CDH9: variants seen among roughly 807,000 people sequenced by gnomAD.
CDH9 encodes cadherin 9, also known as cadherin-9.
CDH9 carries 28 observed loss-of-function variants against 70.9 expected under a neutral mutation model. That is an observed-to-expected ratio of 0.40 (90% confidence interval 0.29 to 0.54). The LOEUF (loss-of-function observed/expected upper bound fraction) is 0.54. Among genes scored for constraint, CDH9 ranks in the 20% least tolerant of loss-of-function variants. The probability of loss-of-function intolerance (pLI) is 0.59; values close to 1 mark genes in which losing one functional copy is unlikely to be tolerated. For synonymous variants in CDH9, 409 were observed against 343.1 expected, an observed-to-expected ratio of 1.19 and a Z score of -2.12; for missense variants, 874 against 984.4, an observed-to-expected ratio of 0.89 and a Z score of 1.50.
chr5:26,880,852 C>T lies in CDH9; in HGVS notation c.*284G>A, dbSNP rs1740447315. 1 of 234,580 alleles carries T rather than the reference C, an allele frequency of 4.3e-6. No individual in the cohort carries two copies. Among genetic ancestry groups the T allele is most frequent in the Admixed American group, 5.5e-5 (1 of 18,308 alleles). 14.5% of individuals were successfully genotyped at this position (234,580 alleles called of 1,614,324 possible). A position where few individuals can be genotyped will look rare whatever the true frequency, so the allele number is the denominator to read the frequency against. Reference sequence around the variant, plus strand: ...AAATTATTATACCTAAGAAAAGGCACAAAAAGCCTTTTACTTATTTTTATT... The same window carrying T: ...AAATTATTATACCTAAGAAAAGGCATAAAAAGCCTTTTACTTATTTTTATT... On this transcript the variant is annotated 3_prime_UTR_variant, in exon 12 of 12. Transcript: ENST00000231021.
intron 7 of CDH9, among the ~76,000 whole-genome samples, chr5:26,891,634 C>T (rs933031131): frequency 6.6e-6 from 1 of 151,992 alleles, no homozygotes; most frequent in Non-Finnish European, 1.5e-5. Context: ...GCCGAGATGG[C>T]ACCACTGCAC....
chr5:26,928,628 A>T lies in CDH9; in HGVS notation c.229-12704T>A, dbSNP rs540024485. Among the ~76,000 whole-genome samples the T allele has an allele frequency of 1.9e-3, 291 of 152,198 alleles. 2 individuals are homozygous for T. Among genetic ancestry groups the T allele is most frequent in the African/African-American group, 6.6e-3 (273 of 41,552 alleles). ...GTTATAGTAACCAGAATAGCTTCGT[A>T]CTGGTGTAAAAACAGACATAGACCA... is the stretch of plus-strand genomic sequence containing the variant. On this transcript the variant is annotated intron_variant, in intron 2 of 11. Coordinates refer to ENST00000231021, the MANE Select transcript of CDH9 (RefSeq NM_016279.4).
intron 2 of CDH9, among the ~76,000 whole-genome samples, chr5:26,986,713 G>GC (rs1407750571): frequency 1.3e-5 from 2 of 152,002 alleles, no homozygotes; most frequent in Non-Finnish European, 2.9e-5. Context: ...GAATCGTAAG[G>GC]CAATTTCACA....
At chr5:26,975,418 A>G (rs1201256709) in intron 2 of CDH9, among the ~76,000 whole-genome samples, 2 of 152,220 alleles carry the variant, frequency 1.3e-5, no homozygotes, top group African/African-American at 4.8e-5. Context: ...ACCATCACCT[A>G]TGATATAAAA....
chr5:26,955,223 G>C (rs1419107623), intron 2 of CDH9, among the ~76,000 whole-genome samples: 1 of 151,816 alleles, frequency 6.6e-6, no homozygotes, highest in Non-Finnish European at 1.5e-5. Flanking sequence ...TAAATTTCTG[G>C]TATTTCAAGG....
chr5:26,897,150 C>A (rs1740766505), intron 7 of CDH9, among the ~76,000 whole-genome samples: 1 of 151,960 alleles, frequency 6.6e-6, no homozygotes, highest in South Asian at 2.1e-4. Flanking sequence ...AGACCAATAA[C>A]AAATTCTGAA....
At chr5:26,904,974 T>C (rs1284771467) in intron 5 of CDH9, among the ~76,000 whole-genome samples, 1 of 152,066 alleles carries the variant, frequency 6.6e-6, no homozygotes, top group Admixed American at 6.6e-5. Context: ...GGAATATGAA[T>C]GCAAAGATTA....
intron 1 of CDH9, among the ~76,000 whole-genome samples, chr5:27,019,188 T>C (rs984902646): frequency 1.3e-5 from 2 of 151,922 alleles, no homozygotes; most frequent in African/African-American, 4.8e-5. Context: ...TATTTGGGTA[T>C]GACGAGAAAG....
chr5:27,023,388 ACTC>A (rs1743172128), intron 1 of CDH9, among the ~76,000 whole-genome samples: 1 of 152,100 alleles, frequency 6.6e-6, no homozygotes, highest in South Asian at 2.1e-4. Flanking sequence ...ATTCAATGGT[ACTC>A]ATTTTTCTCT....
At chr5:26,921,120 G>A (rs534303573) in intron 2 of CDH9, among the ~76,000 whole-genome samples, 19 of 152,162 alleles carry the variant, frequency 1.2e-4, no homozygotes, top group African/African-American at 4.6e-4. Flanking sequence ...AGCTAGACAT[G>A]AGCAGGAGGG....
chr5:27,011,733 A>C lies in CDH9; in HGVS notation c.-49-23351T>G, dbSNP rs1022506487. 4.6e-4 allele frequency among the ~76,000 whole-genome samples: 70 copies of C among 152,074 alleles called. 2 individuals carry two copies. The highest frequency in any genetic ancestry group is 2.5e-4 in the Non-Finnish European group (17 of 67,996). On this transcript the variant is annotated intron_variant, in intron 1 of 11. Transcript: ENST00000231021. ...GCTATGCTTTAGCAGCATTGAGTCC[A>C]TATTACAAAGAACAGAGAGTTAATA...
At chr5:26,920,091 T>C (rs918722467) in intron 2 of CDH9, among the ~76,000 whole-genome samples, 1 of 152,032 alleles carries the variant, frequency 6.6e-6, no homozygotes, top group Non-Finnish European at 1.5e-5. Context: ...GTACCAATTA[T>C]GGGCCTTGGC....
chr5:26,983,298 T>C (rs373673341), intron 2 of CDH9, among the ~76,000 whole-genome samples: 1 of 152,226 alleles, frequency 6.6e-6, no homozygotes, highest in Admixed American at 6.5e-5. Context: ...ACGGACAATT[T>C]GAATTCAACT....
At position 26,992,692 on chromosome 5, in the gene CDH9, C is replaced by T. The variant is rs544984824; in HGVS notation, c.-49-4310G>A. Among the ~76,000 whole-genome samples the T allele has an allele frequency of 7.9e-5, 12 of 152,128 alleles. No homozygotes were observed. The South Asian group carries it at 8.3e-4, about 11-fold the overall frequency. ...GGTAAAGGCTGAGAGAGTTTTAAGG[C>T]GCATGCTAGGAAAAGGACTGCATTG... On this transcript the variant is annotated intron_variant, in intron 1 of 11. Transcript: ENST00000231021.
chr5:26,891,851 G>T (rs1261707928), intron 7 of CDH9, among the ~76,000 whole-genome samples: 1 of 152,072 alleles, frequency 6.6e-6, no homozygotes, highest in Non-Finnish European at 1.5e-5. Flanking sequence ...ATGAACATAG[G>T]CAGCCTCTAA....
chr5:26,962,612 A>C (rs1006913486), intron 2 of CDH9, among the ~76,000 whole-genome samples: 1 of 152,116 alleles, frequency 6.6e-6, no homozygotes, highest in African/African-American at 2.4e-5. Context: ...GGCTGCATAA[A>C]TGTCTTCTTT....
intron 2 of CDH9, among the ~76,000 whole-genome samples, chr5:26,970,757 TAA>T (rs34847605): frequency 1.2e-4 from 18 of 149,092 alleles, no homozygotes; most frequent in African/African-American, 3.9e-4. Flanking sequence ...TTTATTTTCT[TAA>T]AAAAAAAAAT....
intron 2 of CDH9, among the ~76,000 whole-genome samples, chr5:26,916,140 T>C (rs1406840305): frequency 6.6e-6 from 1 of 151,974 alleles, no homozygotes; most frequent in Non-Finnish European, 1.5e-5. Flanking sequence ...ATGGACTAGA[T>C]TTAAAATAAT....
chr5:26,887,238 A>C (rs1740580367), intron 9 of CDH9, among the ~76,000 whole-genome samples: 1 of 151,844 alleles, frequency 6.6e-6, no homozygotes, highest in Non-Finnish European at 1.5e-5. Flanking sequence ...ATTATATAGG[A>C]TCTAATATTT....
Sources: gnomAD v4.1 joint callset for allele counts (sites outside exome capture counted in the v4.1 genomes callset) on GRCh38, gnomAD v4.1.1 for gene constraint, MANE v1.5 for transcripts, NCBI Gene and HGNC (gene_info 2026-07-23, HGNC 2026-07-21) for gene names.